Variants in KCNN2 observed in about 807,000 individuals in gnomAD.
KCNN2 encodes the protein potassium calcium-activated channel subfamily N member 2.
In KCNN2, 24 loss-of-function variants were observed where a neutral mutation model predicts 55.5. The ratio of observed to expected loss-of-function variants is 0.43; its 90% confidence interval spans 0.31 to 0.61. KCNN2 has a LOEUF of 0.61. Among genes scored for constraint, KCNN2 ranks in the 20% least tolerant of loss-of-function variants. The pLI, the probability that KCNN2 is intolerant of heterozygous loss-of-function variation, is 0.08. For synonymous variants in KCNN2, 431 were observed against 336.1 expected (o/e 1.28, Z -3.09); for missense variants, 754 against 853.6 (o/e 0.88, Z 1.45).
intron 1 of KCNN2, among the ~76,000 whole-genome samples, chr5:114,069,840 A>G (rs1434087189): frequency 6.6e-6 from 1 of 152,218 alleles, no homozygotes; most frequent in African/African-American, 2.4e-5. Context: ...AAGGTTAGAG[A>G]TGGAACAAAG....
intron 1 of KCNN2, among the ~76,000 whole-genome samples, chr5:114,138,137 C>G (rs921747782): frequency 1.3e-5 from 2 of 151,792 alleles, no homozygotes; most frequent in African/African-American, 2.4e-5. Flanking sequence ...AAAAAACAAA[C>G]AAACAAAAAA....
At position 114,262,348 on chromosome 5, in the gene KCNN2, G is replaced by T. The variant is rs1368981619; in HGVS notation, c.-185+40783G>T. On this transcript the variant is annotated intron_variant, in intron 2 of 10. Transcript: ENST00000512097. ...AAGAAAGAATTCTATCTACAGACCAGCAACTTAGCAAATTAATGTTTTGGT... is the reference window on the plus strand; with the variant it reads ...AAGAAAGAATTCTATCTACAGACCATCAACTTAGCAAATTAATGTTTTGGT... Among the ~76,000 whole-genome samples the T allele has an allele frequency of 2.6e-5, 4 of 152,264 alleles. No individual in the cohort carries two copies. The South Asian group carries it at 8.3e-4, about 32-fold the overall frequency.
chr5:114,058,731 G>T (rs1332434060), intron 1 of KCNN2, among the ~76,000 whole-genome samples: 1 of 152,184 alleles, frequency 6.6e-6, no homozygotes, highest in African/African-American at 2.4e-5. Context: ...ATCCTGCAGG[G>T]CTTTGCAGGT....
chr5:114,457,652 C>G (rs915916756), intron 3 of KCNN2, among the ~76,000 whole-genome samples: 5 of 152,088 alleles, frequency 3.3e-5, no homozygotes, highest in African/African-American at 1.2e-4. Context: ...CAAGCAGAAC[C>G]CTATGAAGTT....
intron 3 of KCNN2, among the ~76,000 whole-genome samples, chr5:114,443,997 A>G (rs1197116655): frequency 1.3e-5 from 2 of 152,234 alleles, no homozygotes; most frequent in African/African-American, 2.4e-5. Flanking sequence ...TTAGAAAGAT[A>G]ACTCACAGAA....
intron 2 of KCNN2, among the ~76,000 whole-genome samples, chr5:114,222,624 A>G (rs1048909948): frequency 1.2e-4 from 18 of 152,160 alleles, no homozygotes; most frequent in Non-Finnish European, 1.9e-4. Context: ...TTCTTCCTCA[A>G]TTAAGCTGTG....
chr5:114,058,008 C>G (rs10076931), intron 1 of KCNN2, among the ~76,000 whole-genome samples: 111,316 of 152,102 alleles, frequency 0.73, 40,971 homozygotes, highest in East Asian at 0.97. Context: ...ATCCTAATTT[C>G]AACATTTGAA....
chr5:114,486,956 C>A, intron 5 of KCNN2, 94 bp from the exon 6 acceptor site: 1 of 1,440,502 alleles, frequency 6.9e-7, no homozygotes, highest in Non-Finnish European at 9.7e-7. Flanking sequence ...CTACAGCTCA[C>A]CATGATCCTT....
At chr5:114,117,765 T>C (rs1345543422) in intron 1 of KCNN2, among the ~76,000 whole-genome samples, 1 of 152,202 alleles carries the variant, frequency 6.6e-6, no homozygotes, top group African/African-American at 2.4e-5. Flanking sequence ...TAAGTAGTCC[T>C]TGAGCCCTCA....
chr5:114,168,542 G>C (rs1366336540), intron 1 of KCNN2, among the ~76,000 whole-genome samples: 1 of 151,936 alleles, frequency 6.6e-6, no homozygotes, highest in Non-Finnish European at 1.5e-5. Flanking sequence ...AGAGTCATTT[G>C]CAGTAAATTT....
At chr5:114,232,164 T>C (rs1055349977) in intron 2 of KCNN2, among the ~76,000 whole-genome samples, 1 of 150,942 alleles carries the variant, frequency 6.6e-6, no homozygotes, top group Non-Finnish European at 1.5e-5. Context: ...CGAGTTGAAA[T>C]AGAATGTGGC....
intron 3 of KCNN2, 126 bp downstream of exon 3, chr5:114,404,982 C>T (rs954965230): frequency 6.7e-6 from 5 of 742,420 alleles, no homozygotes; most frequent in Admixed American, 2.6e-5. Context: ...TTCTGACAGG[C>T]TTCTTTGAAA....
At chr5:114,294,184 C>G (rs1382239660) in intron 2 of KCNN2, among the ~76,000 whole-genome samples, 2 of 152,050 alleles carry the variant, frequency 1.3e-5, no homozygotes, top group African/African-American at 4.8e-5. Flanking sequence ...TTTTGTGTCT[C>G]TATTTCCTTC....
At chr5:114,159,152 C>A (rs562942318) in intron 1 of KCNN2, among the ~76,000 whole-genome samples, 1 of 152,050 alleles carries the variant, frequency 6.6e-6, no homozygotes, top group Non-Finnish European at 1.5e-5. Flanking sequence ...TCATAGATAG[C>A]GCTTATTATT....
chr5:114,111,668 G>A (rs957726763), intron 1 of KCNN2, among the ~76,000 whole-genome samples: 3 of 152,040 alleles, frequency 2.0e-5, no homozygotes, highest in Non-Finnish European at 1.5e-5. Context: ...GTGGGCAAAG[G>A]ATATGAACAG....
At chr5:114,107,581 G>A (rs571985851) in intron 1 of KCNN2, among the ~76,000 whole-genome samples, 3 of 151,000 alleles carry the variant, frequency 2.0e-5, no homozygotes, top group African/African-American at 4.9e-5. Context: ...AAGTTATTTT[G>A]TAGAGACGAA....
chr5:114,134,695 T>A (rs1406189237), intron 1 of KCNN2, among the ~76,000 whole-genome samples: 1 of 152,000 alleles, frequency 6.6e-6, no homozygotes, highest in Non-Finnish European at 1.5e-5. Context: ...CAGGCTGGTC[T>A]TCAACTCCTG....
intron 2 of KCNN2, among the ~76,000 whole-genome samples, chr5:114,275,353 T>C (rs946235735): frequency 1.3e-5 from 2 of 152,202 alleles, no homozygotes; most frequent in African/African-American, 4.8e-5. Flanking sequence ...CCTCATGAAA[T>C]GAATTAGGGA....
intron 1 of KCNN2, among the ~76,000 whole-genome samples, chr5:114,132,760 G>A (rs929741764): frequency 6.6e-6 from 1 of 152,120 alleles, no homozygotes; most frequent in African/African-American, 2.4e-5. Flanking sequence ...CTTAGGTAAG[G>A]TCTTGTTTAA....
Sources: gnomAD v4.1 joint callset for allele counts (sites outside exome capture counted in the v4.1 genomes callset) on GRCh38, gnomAD v4.1.1 for gene constraint, MANE v1.5 for transcripts, NCBI Gene and HGNC (gene_info 2026-07-23, HGNC 2026-07-21) for gene names.